PKIB: variants seen among roughly 807,000 people sequenced by gnomAD.
The protein encoded by PKIB is PKI-beta.
In PKIB, 2 loss-of-function variants were observed where a neutral mutation model predicts 4.5. The observed-to-expected ratio is 0.44, with a 90% CI of 0.18 to 1.39. The LOEUF is 1.39. Ranked by LOEUF, PKIB falls within the 40% of genes most tolerant of loss-of-function variation. The probability of loss-of-function intolerance (pLI) is 0.27; values close to 1 mark genes in which losing one functional copy is unlikely to be tolerated. For synonymous variants in PKIB, 38 were observed against 36.0 expected (o/e 1.06, Z -0.20); for missense variants, 94 against 92.6 (o/e 1.02, Z -0.06).
chr6:122,698,534 T>C (rs1002326379), intron 3 of PKIB, among the ~76,000 whole-genome samples: 1 of 152,108 alleles, frequency 6.6e-6, no homozygotes, highest in Non-Finnish European at 1.5e-5. Context: ...TAATGGTGTA[T>C]AGTACAAGGC....
intron 3 of PKIB, among the ~76,000 whole-genome samples, chr6:122,698,222 C>A (rs549033188): frequency 6.6e-6 from 1 of 152,238 alleles, no homozygotes; most frequent in East Asian, 1.9e-4. Context: ...CAGTTGATCC[C>A]AGGGGGCTCT....
intron 2 of PKIB, among the ~76,000 whole-genome samples, chr6:122,554,730 A>G (rs938312651): frequency 2.6e-5 from 4 of 152,262 alleles, no homozygotes; most frequent in Middle Eastern, 3.4e-3. Context: ...ATTTTAATAA[A>G]CAGGTCAATT....
upstream of PKIB, among the ~76,000 whole-genome samples, chr6:122,608,831 A>G (rs1774631285): frequency 6.6e-6 from 1 of 152,198 alleles, no homozygotes; most frequent in Non-Finnish European, 1.5e-5. Context: ...AAGTATAGGA[A>G]ATACACTTGC....
At chr6:122,512,245 TC>T (rs1776609409) in intron 2 of PKIB, among the ~76,000 whole-genome samples, 1 of 152,248 alleles carries the variant, frequency 6.6e-6, no homozygotes, top group South Asian at 2.1e-4. Flanking sequence ...TAGGTTAGTT[TC>T]TTCTTGAAAT....
chr6:122,586,009 T>TA (rs1773836902), intron 3 of PKIB: 1 of 152,166 alleles, frequency 6.6e-6, no homozygotes, highest in Non-Finnish European at 1.5e-5. Flanking sequence ...CTATGGAAGG[T>TA]AACATCTTTT....
At chr6:122,653,601 A>T (rs1162242256) in intron 2 of PKIB, among the ~76,000 whole-genome samples, 6 of 151,646 alleles carry the variant, frequency 4.0e-5, no homozygotes, top group Non-Finnish European at 8.8e-5. Flanking sequence ...CTCTCTATTA[A>T]ACTCAATGCA....
chr6:122,679,639 C>T (rs192679502), intron 3 of PKIB, among the ~76,000 whole-genome samples: 54 of 152,204 alleles, frequency 3.5e-4, no homozygotes, highest in Admixed American at 2.6e-3. Context: ...AAGGATGCCT[C>T]CTGGGTTTCT....
chr6:122,625,561 C>G (rs1267089264), intron 1 of PKIB, among the ~76,000 whole-genome samples: 1 of 152,038 alleles, frequency 6.6e-6, no homozygotes, highest in Non-Finnish European at 1.5e-5. Context: ...TCGATTGAAC[C>G]TGAGAGGCGG....
chr6:122,617,718 C>T lies in PKIB; in HGVS notation c.-161+7183C>T, dbSNP rs549892368. ...GTTTTAATATGACTCATCTGAAATA[C>T]GAATTAAGTTTGATGACAACAGTTT... On this transcript the variant is annotated intron_variant, in intron 1 of 4. Coordinates refer to ENST00000368452, the MANE Select transcript of PKIB (RefSeq NM_181795.3). Among the ~76,000 whole-genome samples, 22 of 152,036 alleles carry T rather than the reference C, an allele frequency of 1.4e-4. 1 individual carries two copies. Among genetic ancestry groups the T allele is most frequent in the African/African-American group, 4.8e-4 (20 of 41,476 alleles).
At chr6:122,517,019 CTATT>C (rs1467471924) in intron 2 of PKIB, among the ~76,000 whole-genome samples, 1 of 152,174 alleles carries the variant, frequency 6.6e-6, no homozygotes, top group Non-Finnish European at 1.5e-5. Flanking sequence ...ATTTGAATCA[CTATT>C]TAGTGAATTA....
intron 2 of PKIB, among the ~76,000 whole-genome samples, chr6:122,673,253 T>C (rs1163060978): frequency 5.3e-5 from 8 of 152,216 alleles, no homozygotes; most frequent in Non-Finnish European, 1.0e-4. Context: ...TAGCAATGTT[T>C]ACTTTTATCT....
chr6:122,562,132 T>C (rs1773054990), intron 2 of PKIB, among the ~76,000 whole-genome samples: 1 of 101,880 alleles, frequency 9.8e-6, no homozygotes, highest in Non-Finnish European at 2.1e-5. Flanking sequence ...CTTTTAGCAG[T>C]TCTTGTCGTG....
chr6:122,570,988 TAA>T (rs1283247151), intron 2 of PKIB, among the ~76,000 whole-genome samples: 1 of 151,520 alleles, frequency 6.6e-6, no homozygotes, highest in Non-Finnish European at 1.5e-5. Flanking sequence ...AAAACCAACA[TAA>T]AAAATGTTTT....
In PKIB at chr6:122,592,655, TG is replaced by T. The variant is rs1352537433; in HGVS notation, c.-161+6650del. 5.3e-4 allele frequency among the ~76,000 whole-genome samples: 81 copies of T among 152,316 alleles called. 1 individual carries two copies. The highest frequency in any genetic ancestry group is 5.3e-3 in the Admixed American group (81 of 15,292). ...CAGAAAAACGTAAACACTAAGATTA[TG>T]GTGCAAAGATGAAAGCCATTGCCTT... On this transcript the variant is annotated intron_variant, in intron 3 of 6. Coordinates refer to the PKIB transcript ENST00000392491.
At chr6:122,559,362 G>T (rs1413691210) in intron 2 of PKIB, among the ~76,000 whole-genome samples, 2 of 151,612 alleles carry the variant, frequency 1.3e-5, no homozygotes, top group African/African-American at 2.4e-5. Flanking sequence ...GCTGTATTTG[G>T]TTTATTTCTG....
At chr6:122,692,034 CCAAA>C (rs1470331534) in intron 3 of PKIB, among the ~76,000 whole-genome samples, 1 of 152,180 alleles carries the variant, frequency 6.6e-6, no homozygotes, top group East Asian at 1.9e-4. Context: ...TTACTTTCTC[CCAAA>C]CAAACAGAGT....
chr6:122,674,674 C>G (rs967058298), intron 2 of PKIB, among the ~76,000 whole-genome samples: 1 of 152,054 alleles, frequency 6.6e-6, no homozygotes, highest in African/African-American at 2.4e-5. Flanking sequence ...TTCTCAAAGT[C>G]TGGTGTGTTT....
chr6:122,543,161 C>G (rs912085242), intron 2 of PKIB, among the ~76,000 whole-genome samples: 1 of 152,072 alleles, frequency 6.6e-6, no homozygotes, highest in Admixed American at 6.5e-5. Flanking sequence ...ACCCCTTGCG[C>G]GTCCCGAGTG....
intron 2 of PKIB, among the ~76,000 whole-genome samples, chr6:122,495,950 A>C (rs1776066383): frequency 6.6e-6 from 1 of 151,650 alleles, no homozygotes; most frequent in Non-Finnish European, 1.5e-5. Flanking sequence ...CCTCCTAGTC[A>C]CTCTTGTCAG....
Sources: gnomAD v4.1 joint callset for allele counts (sites outside exome capture counted in the v4.1 genomes callset) on GRCh38, gnomAD v4.1.1 for gene constraint, MANE v1.5 for transcripts, NCBI Gene and HGNC (gene_info 2026-07-23, HGNC 2026-07-21) for gene names.